UNC5D: variants seen among roughly 807,000 people sequenced by gnomAD.
UNC5D encodes the protein unc-5 netrin receptor D, also known as netrin receptor UNC5D.
In UNC5D, 39 loss-of-function variants were observed where a neutral mutation model predicts 105.4. The observed-to-expected ratio is 0.37, with a 90% CI of 0.29 to 0.48. The LOEUF is 0.48. Among genes scored for constraint, UNC5D ranks in the 20% least tolerant of loss-of-function variants. UNC5D has a pLI of 0.98. For missense variants in UNC5D, 991 were observed against 1,202.4 expected, an observed-to-expected ratio of 0.82 and a Z score of 2.60; for synonymous variants, 452 against 450.4, an observed-to-expected ratio of 1.00 and a Z score of -0.04.
Position 35,790,547 on chromosome 8 carries a change from G to A in UNC5D, c.2846G>A (p.Arg949Lys). ...QLDEADFNYSRQNGL is the reference protein window; with the variant it reads ...QLDEADFNYSKQNGL ...GATGAAGCCGACTTCAACTACAGCA[G>A]GCAAAATGGACTCTAGTCCACTTCC... The change falls in exon 17 of 17, where the codon AGG (arginine) becomes AAG (lysine). Residue 949 changes from arginine (R) to lysine (K), a missense_variant. By Grantham distance (26) the Arg-to-Lys change is conservative. Transcript: ENST00000404895. 2 of 1,613,716 alleles carry A rather than the reference G, an allele frequency of 1.2e-6. No homozygotes were observed. Among genetic ancestry groups the A allele is most frequent in the African/African-American group, 1.3e-5 (1 of 75,028 alleles).
intron 1 of UNC5D, among the ~76,000 whole-genome samples, chr8:35,495,800 T>A (rs1233457175): frequency 6.6e-6 from 1 of 152,176 alleles, no homozygotes; most frequent in Admixed American, 6.5e-5. Flanking sequence ...TTGATCCTCC[T>A]ATGAAAGAAG....
intron 4 of UNC5D, among the ~76,000 whole-genome samples, chr8:35,662,002 C>G (rs1448470105): frequency 6.6e-6 from 1 of 151,984 alleles, no homozygotes; most frequent in East Asian, 1.9e-4. Context: ...CATCATTTTG[C>G]CAACATTATC....
chr8:35,783,200 A>C (rs1365390500), intron 16 of UNC5D, among the ~76,000 whole-genome samples: 1 of 152,090 alleles, frequency 6.6e-6, no homozygotes. Flanking sequence ...AACATTTTTT[A>C]AACAGTTAAA....
intron 1 of UNC5D, among the ~76,000 whole-genome samples, chr8:35,310,672 G>T (rs1808807043): frequency 1.3e-5 from 2 of 151,982 alleles, no homozygotes; most frequent in East Asian, 1.9e-4. Context: ...AACCTACAAA[G>T]CTCTGTAAGG....
At chr8:35,726,051 G>A in intron 9 of UNC5D, 101 bp from the exon 10 acceptor site, 1 of 1,456,954 alleles carries the variant, frequency 6.9e-7, no homozygotes, top group East Asian at 2.3e-5. Context: ...TGGAACTGCT[G>A]GCACCTATGC....
intron 3 of UNC5D, among the ~76,000 whole-genome samples, chr8:35,576,137 G>A (rs1818073890): frequency 6.6e-6 from 1 of 152,188 alleles, no homozygotes; most frequent in South Asian, 2.1e-4. Context: ...AAAATATGGA[G>A]CCCTTTGTTC....
intron 1 of UNC5D, among the ~76,000 whole-genome samples, chr8:35,384,921 G>A (rs565068570): frequency 1.3e-5 from 2 of 152,318 alleles, no homozygotes; most frequent in African/African-American, 4.8e-5. Flanking sequence ...TAGAAGGGGA[G>A]TCAGTTACAT....
At chr8:35,744,330 C>T (rs754634357) in intron 11 of UNC5D, among the ~76,000 whole-genome samples, 5 of 152,144 alleles carry the variant, frequency 3.3e-5, no homozygotes, top group Non-Finnish European at 5.9e-5. Context: ...TTTTACCCTT[C>T]GTAAATAGTT....
intron 1 of UNC5D, among the ~76,000 whole-genome samples, chr8:35,538,295 A>G (rs895192876): frequency 2.0e-5 from 3 of 150,950 alleles, no homozygotes; most frequent in Non-Finnish European, 4.4e-5. Context: ...GGCAGTCCCT[A>G]TAGCTTCTAG....
chr8:35,778,940 G>A lies in UNC5D; in HGVS notation c.2657+4463G>A, dbSNP rs1414719111. 2.0e-5 allele frequency among the ~76,000 whole-genome samples: 3 copies of A among 152,358 alleles called. No individual in the cohort carries two copies. The South Asian group carries it at 6.2e-4, about 32-fold the overall frequency. ...AATGCGAGAAATGTCAGGAGTGTGT[G>A]CTGTACGGCTGGCAACACAGGTGGC... On this transcript the variant is annotated intron_variant, in intron 16 of 16. Coordinates refer to ENST00000404895, the MANE Select transcript of UNC5D (RefSeq NM_080872.4).
chr8:35,315,912 A>T (rs1037888900), intron 1 of UNC5D, among the ~76,000 whole-genome samples: 1 of 152,170 alleles, frequency 6.6e-6, no homozygotes, highest in African/African-American at 2.4e-5. Flanking sequence ...ACAACATCGT[A>T]TGCTATTGTA....
At chr8:35,260,957 T>A (rs1169701971) in intron 1 of UNC5D, among the ~76,000 whole-genome samples, 1 of 152,120 alleles carries the variant, frequency 6.6e-6, no homozygotes, top group East Asian at 1.9e-4. Context: ...TGCAGTATAA[T>A]CTGATAAAGA....
intron 1 of UNC5D, among the ~76,000 whole-genome samples, chr8:35,489,361 A>C (rs149410215): frequency 6.6e-6 from 1 of 152,202 alleles, no homozygotes; most frequent in African/African-American, 2.4e-5. Flanking sequence ...TCATATGTTG[A>C]AGTTCTAACA....
intron 13 of UNC5D, among the ~76,000 whole-genome samples, chr8:35,751,939 AAGC>A (rs1830301007): frequency 6.6e-6 from 1 of 152,212 alleles, no homozygotes; most frequent in African/African-American, 2.4e-5. Context: ...AAGAGAAAAA[AAGC>A]AGCATGAGTC....
At chr8:35,785,506 C>T (rs1802703629) in intron 16 of UNC5D, among the ~76,000 whole-genome samples, 1 of 152,056 alleles carries the variant, frequency 6.6e-6, no homozygotes, top group Non-Finnish European at 1.5e-5. Flanking sequence ...AGTACAGGCA[C>T]ATGCCACCAT....
rs116444152 is a variant in UNC5D at position 35,708,996 on chromosome 8, T to C, written c.1117+3035T>C. Among the ~76,000 whole-genome samples the C allele has an allele frequency of 3.0e-3, 454 of 152,246 alleles. 2 individuals carry two copies. Among genetic ancestry groups the C allele is most frequent in the African/African-American group, 9.6e-3 (397 of 41,548 alleles). Reference sequence around the variant, plus strand: ...TAGGGCAGAAACTTGGAGAGCCTCCTAGAGCCCTCTTATTTCCTTCATCTC... The same window carrying C: ...TAGGGCAGAAACTTGGAGAGCCTCCCAGAGCCCTCTTATTTCCTTCATCTC... On this transcript the variant is annotated intron_variant, in intron 8 of 16. Transcript: ENST00000404895.
intron 1 of UNC5D, among the ~76,000 whole-genome samples, chr8:35,538,116 A>G (rs933405198): frequency 6.6e-6 from 1 of 151,956 alleles, no homozygotes; most frequent in African/African-American, 2.4e-5. Context: ...CCAACCTAGG[A>G]TTTGGGGGAC....
At chr8:35,443,567 A>G (rs1807574455) in intron 1 of UNC5D, among the ~76,000 whole-genome samples, 1 of 151,900 alleles carries the variant, frequency 6.6e-6, no homozygotes, top group Non-Finnish European at 1.5e-5. Flanking sequence ...ACAGATCTCA[A>G]TGGGAATCTG....
At chr8:35,648,559 A>G (rs1218527645) in intron 4 of UNC5D, among the ~76,000 whole-genome samples, 1 of 151,776 alleles carries the variant, frequency 6.6e-6, no homozygotes, top group Non-Finnish European at 1.5e-5. Context: ...GGCACCTGCA[A>G]TCCCAGCTAT....
Sources: gnomAD v4.1 joint callset for allele counts (sites outside exome capture counted in the v4.1 genomes callset) on GRCh38, gnomAD v4.1.1 for gene constraint, MANE v1.5 for transcripts, NCBI Gene and HGNC (gene_info 2026-07-23, HGNC 2026-07-21) for gene names.